The following MID1 variants were observed in gnomAD, a reference collection of about 807,000 sequenced individuals.
MID1 encodes the protein E3 ubiquitin-protein ligase Midline-1.
MID1 carries 7 observed loss-of-function variants against 40.4 expected under a neutral mutation model. That is an observed-to-expected ratio of 0.17 (90% CI 0.10 to 0.33). The LOEUF is 0.33. MID1 is among the 10% of genes least tolerant of loss of function. The pLI is 1.00. For synonymous variants in MID1, 229 were observed against 221.2 expected (o/e 1.04, Z -0.31); for missense variants, 367 against 558.5 (o/e 0.66, Z 3.46).
Position 10,679,070 on chromosome X carries a change from A to T in MID1, c.-186-58651T>A, listed in dbSNP as rs2043041478. On this transcript the variant is annotated intron_variant, in intron 1 of 10. Transcript: ENST00000380785. ...ACACAATCACCAGAGAAAGCAAGAA[A>T]TGTCATATTTTCAAGCAATACAAGG... Among the ~76,000 whole-genome samples, 3 of 112,127 alleles carry T rather than the reference A, an allele frequency of 2.7e-5. No individual in the cohort carries two copies. In the South Asian group the frequency reaches 1.1e-3, roughly 42 times the overall value.
chrX:10,776,586 T>G (rs1682062193), intron 1 of MID1, among the ~76,000 whole-genome samples: 1 of 110,296 alleles, frequency 9.1e-6, no homozygotes. Context: ...GAAAAAGAGG[T>G]CAGGTGTGGT....
chrX:10,727,521 C>A (rs1189886082), intron 1 of MID1, among the ~76,000 whole-genome samples: 1 of 112,084 alleles, frequency 8.9e-6, no homozygotes, highest in Non-Finnish European at 1.9e-5. Context: ...CTTAACTCTG[C>A]TAAATTAGAG....
At chrX:10,469,934 A>C in intron 6 of MID1, 94 bp from the exon 7 acceptor site, 1 of 836,635 alleles carries the variant, frequency 1.2e-6, no homozygotes, top group Non-Finnish European at 1.8e-6. Flanking sequence ...GGTCCTTCTC[A>C]ATAGGTCCAT....
intron 2 of MID1, among the ~76,000 whole-genome samples, chrX:10,541,347 A>C (rs1280703535): frequency 9.3e-6 from 1 of 107,729 alleles, no homozygotes; most frequent in Admixed American, 9.9e-5. Flanking sequence ...CTGCCCTCCC[A>C]CCACCCCCCA....
Position 10,684,698 on chromosome X carries a change from C to T in MID1, c.-186-64279G>A, listed in dbSNP as rs544343406. 4.5e-5 allele frequency among the ~76,000 whole-genome samples: 5 copies of T among 111,060 alleles called. No individual in the cohort carries two copies. The South Asian group carries it at 1.5e-3, about 34-fold the overall frequency. On this transcript the variant is annotated intron_variant, in intron 1 of 10. Coordinates refer to the MID1 transcript ENST00000380785. ...TGCTGGGATTACAGGCGTGAGCCAC[C>T]GCGCCCGGCCAATTGTGTCTTTTTC... is the stretch of plus-strand genomic sequence containing the variant.
chrX:10,814,334 A>G (rs1477175841), intron 1 of MID1, among the ~76,000 whole-genome samples: 1 of 111,686 alleles, frequency 9.0e-6, no homozygotes, highest in East Asian at 2.8e-4. Flanking sequence ...GACATTTTAA[A>G]TCCTATTAAC....
At chrX:10,465,214 T>TAC (rs775197915) in intron 7 of MID1, among the ~76,000 whole-genome samples, 3,073 of 39,822 alleles carry the variant, frequency 0.077, 161 homozygotes, top group African/African-American at 0.089. Context: ...TATATATATA[T>TAC]ACACACACAC....
intron 1 of MID1, among the ~76,000 whole-genome samples, chrX:10,797,103 G>C (rs774481104): frequency 9.1e-6 from 1 of 110,355 alleles, no homozygotes; most frequent in Non-Finnish European, 1.9e-5. Context: ...CAAAAATTTG[G>C]GTGCTGATTT....
rs1184266835 is a variant in MID1 at position 10,449,682 on chromosome X, T to G, written c.1690A>C (p.Lys564Gln). The part of the protein sequence containing the change: ...AIGLAYKSAP[K>Q]HEWIGKNSAS... ...GAGTTCTTCCCAATCCATTCATGCT[T>G]CGGGGCTGATTTGTAAGCAAGACCA... Residue 564 changes from lysine to glutamine, a missense_variant, in exon 10 of 10, where the codon AAG becomes CAG. Coordinates refer to ENST00000317552, the MANE Select transcript of MID1 (RefSeq NM_000381.4). 8.3e-7 allele frequency: 1 copy of G among 1,209,453 alleles called. No homozygotes were observed. Among genetic ancestry groups the G allele is most frequent in the Non-Finnish European group, 1.1e-6 (1 of 894,966 alleles).
intron 2 of MID1, among the ~76,000 whole-genome samples, chrX:10,547,900 A>C (rs372078968): frequency 9.0e-6 from 1 of 111,031 alleles, no homozygotes; most frequent in African/African-American, 3.3e-5. Context: ...AGGACCGCAA[A>C]TCACCTCTAA....
At chrX:10,450,852 TAAAC>T (rs1045630816) in intron 9 of MID1, among the ~76,000 whole-genome samples, 9 of 112,134 alleles carry the variant, frequency 8.0e-5, no homozygotes, top group African/African-American at 2.9e-4. Context: ...GTTATTAAGA[TAAAC>T]AAAACCCATC....
At chrX:10,513,364 G>A (rs1932252001) in intron 3 of MID1, among the ~76,000 whole-genome samples, 1 of 112,207 alleles carries the variant, frequency 8.9e-6, no homozygotes, top group African/African-American at 3.2e-5. Context: ...TCATGAATGG[G>A]AGCAATAAGT....
intron 3 of MID1, among the ~76,000 whole-genome samples, chrX:10,502,241 C>T (rs768339931): frequency 1.0e-3 from 114 of 112,207 alleles, no homozygotes; most frequent in Non-Finnish European, 1.4e-3. Flanking sequence ...ATTGATCTAG[C>T]ATGCATTTTA....
chrX:10,515,688 C>A (rs1402026499), intron 3 of MID1, among the ~76,000 whole-genome samples: 2 of 112,073 alleles, frequency 1.8e-5, no homozygotes, highest in African/African-American at 3.2e-5. Flanking sequence ...GACTGCTGAG[C>A]CTTTATCCTC....
intron 1 of MID1, among the ~76,000 whole-genome samples, chrX:10,733,075 G>T (rs905572683): frequency 7.3e-5 from 8 of 109,535 alleles, no homozygotes; most frequent in Admixed American, 9.7e-5. Flanking sequence ...TGTTAGCCAG[G>T]ATGGTCTCGA....
At chrX:10,722,144 C>T (rs946723160) in intron 1 of MID1, among the ~76,000 whole-genome samples, 2 of 111,620 alleles carry the variant, frequency 1.8e-5, no homozygotes, top group African/African-American at 6.5e-5. Context: ...ATAGATGATG[C>T]TACTTATCCA....
At chrX:10,459,324 T>C (rs914607322) in intron 8 of MID1, among the ~76,000 whole-genome samples, 2 of 112,094 alleles carry the variant, frequency 1.8e-5, no homozygotes, top group Admixed American at 9.4e-5. Context: ...GAGCCCCTAC[T>C]GTGTGTCAGG....
intron 3 of MID1, among the ~76,000 whole-genome samples, chrX:10,520,227 T>C (rs1051018920): frequency 8.9e-6 from 1 of 111,868 alleles, no homozygotes; most frequent in Admixed American, 9.5e-5. Context: ...CCATCTAATC[T>C]AAGATACCAG....
At chrX:10,711,762 T>C (rs924305883) in intron 1 of MID1, among the ~76,000 whole-genome samples, 1 of 112,795 alleles carries the variant, frequency 8.9e-6, no homozygotes, top group Non-Finnish European at 1.9e-5. Context: ...TGGCATGTTC[T>C]TACGAATGTA....
Sources: gnomAD v4.1 joint callset for allele counts (sites outside exome capture counted in the v4.1 genomes callset) on GRCh38, gnomAD v4.1.1 for gene constraint, MANE v1.5 for transcripts, NCBI Gene and HGNC (gene_info 2026-07-23, HGNC 2026-07-21) for gene names.